The following ATP4B variants were observed in gnomAD, a reference collection of about 807,000 sequenced individuals.
ATP4B encodes ATPase H+/K+ transporting subunit beta, also known as potassium-transporting ATPase subunit beta.
Under a neutral mutation model 35.3 loss-of-function variants are expected in ATP4B, and 27 were observed. The ratio of observed to expected loss-of-function variants is 0.76; its 90% CI spans 0.56 to 1.05. The LOEUF (loss-of-function observed/expected upper bound fraction) is 1.05. Ranked by LOEUF, ATP4B falls within the 50% of genes least tolerant of loss-of-function variation. The pLI is 0.00. For synonymous variants in ATP4B, 162 were observed against 156.0 expected, an observed-to-expected ratio of 1.04 and a Z score of -0.29; for missense variants, 375 against 384.8, an observed-to-expected ratio of 0.97 and a Z score of 0.21.
intron 5 of ATP4B, among the ~76,000 whole-genome samples, chr13:113,651,373 G>A (rs1229100689): frequency 1.3e-5 from 2 of 152,246 alleles, no homozygotes; most frequent in South Asian, 2.1e-4. Flanking sequence ...CAGAACTGGT[G>A]GAAGGTGCAC....
Position 113,649,921 on chromosome 13 carries a change from G to C in ATP4B, c.715-386C>G, listed in dbSNP as rs1440310010. ...CTCATGCCTGTAATCCTAGCACTTT[G>C]GGAGCCTGAGGCAGGCTGATTGCTT... On this transcript the variant is annotated intron_variant, in intron 6 of 6. Coordinates refer to ENST00000335288, the MANE Select transcript of ATP4B (RefSeq NM_000705.4). The surrounding 1 kb of genome is among the most constrained non-coding windows in gnomAD (Gnocchi z 4.7). Among the ~76,000 whole-genome samples, 1 of 152,172 alleles carries C rather than the reference G, an allele frequency of 6.6e-6. No homozygotes were observed. The highest frequency in any genetic ancestry group is 2.4e-5 in the African/African-American group (1 of 41,444).
intron 5 of ATP4B, among the ~76,000 whole-genome samples, chr13:113,651,191 A>G (rs1479113394): frequency 6.6e-6 from 1 of 152,222 alleles, no homozygotes; most frequent in African/African-American, 2.4e-5. Context: ...AAGACATTTA[A>G]TTTAAAAAAT....
chr13:113,650,127 C>T lies in ATP4B; in HGVS notation c.714+279G>A, dbSNP rs1313333741. On this transcript the variant is annotated intron_variant, in intron 6 of 6. Coordinates refer to ENST00000335288, the MANE Select transcript of ATP4B (RefSeq NM_000705.4). The surrounding 1 kb of genome is among the most constrained non-coding windows in gnomAD (Gnocchi z 5.0). ...GCAATGAGCTAAGATGCTAAGATTG[C>T]ATTGCTGCAATCCACCCTGGGTGAC... is the stretch of plus-strand genomic sequence containing the variant. Among the ~76,000 whole-genome samples, 1 of 149,762 alleles carries T rather than the reference C, an allele frequency of 6.7e-6. No individual in the cohort carries two copies. Among genetic ancestry groups the T allele is most frequent in the East Asian group, 2.0e-4 (1 of 5,088 alleles).
intron 1 of ATP4B, among the ~76,000 whole-genome samples, chr13:113,657,020 G>A (rs992968171): frequency 2.0e-5 from 3 of 152,196 alleles, no homozygotes; most frequent in Non-Finnish European, 2.9e-5. Context: ...CTTCAAATGC[G>A]CCCATGACTC....
chr13:113,654,197 T>C (rs538194737), intron 2 of ATP4B, among the ~76,000 whole-genome samples: 10 of 152,376 alleles, frequency 6.6e-5, no homozygotes, highest in Admixed American at 5.2e-4. Flanking sequence ...TGTTGCTGTT[T>C]AGTGGATTTT....
chr13:113,654,727 G>A, intron 2 of ATP4B, 87 bp downstream of exon 2: 6 of 1,503,230 alleles, frequency 4.0e-6, no homozygotes, highest in Non-Finnish European at 5.3e-6. Flanking sequence ...TTCTGGGGAG[G>A]GCACGGGTCC....
At chr13:113,652,195 G>C (rs1367002735) in intron 4 of ATP4B, among the ~76,000 whole-genome samples, 1 of 152,198 alleles carries the variant, frequency 6.6e-6, no homozygotes, top group African/African-American at 2.4e-5. Flanking sequence ...GTGCTCCGAG[G>C]GTGGCAGCTG....
Position 113,651,741 on chromosome 13 carries a change from G to A in ATP4B, c.556-14C>T, listed in dbSNP as rs374169282. The stretch of plus-strand genomic sequence containing the variant: ...GAACTTGACGATCTAGAAGGGAAAA[G>A]CTTGAGCGTGGCCGCTCCCCACCCC... On this transcript the variant is annotated splice_polypyrimidine_tract_variant and intron_variant, in intron 4 of 6. Coordinates refer to ENST00000335288, the MANE Select transcript of ATP4B (RefSeq NM_000705.4). The A allele has an allele frequency of 6.2e-7, 1 of 1,613,070 alleles. No homozygotes were observed. The highest frequency in any genetic ancestry group is 8.5e-7 in the Non-Finnish European group (1 of 1,179,568).
rs371696712 is a variant in ATP4B, at chr13:113,658,090, G to T, written c.55C>A (p.Arg19Ser). Residue 19 changes from arginine to serine, a missense_variant, in exon 1 of 7, where the codon CGT becomes AGT. Coordinates refer to ENST00000335288, the MANE Select transcript of ATP4B (RefSeq NM_000705.4). ...TCGQRMEEFQ[R>S]YCWNPDTGQM... is the part of the protein sequence containing the mutation. ...CCCGTGTCCGGGTTCCAGCAGTAAC[G>T]CTGGAACTCCTCCATGCGCTGGCCA... 2.7e-5 allele frequency: 44 copies of T among 1,612,266 alleles called. No homozygotes were observed. Among genetic ancestry groups the T allele is most frequent in the Middle Eastern group, 1.7e-4 (1 of 6,056 alleles).
Position 113,653,303 on chromosome 13 carries a change from T to TTCACACCTCACCCACCC in ATP4B, c.355+17_355+18insGGGTGGGTGAGGTGTGA. 3 of 1,537,270 alleles carry TTCACACCTCACCCACCC rather than the reference T, an allele frequency of 2.0e-6. No homozygotes were observed. The East Asian group carries it at 7.6e-5, about 39-fold the overall frequency. ...CCCACCCGCCGCTTCACACCTCACC[T>TTCACACCTCACCCACCC]GCCGTTTCACACCTCACCTGCTAGG... is the stretch of plus-strand genomic sequence containing the variant. On this transcript the variant is annotated intron_variant, in intron 3 of 6. Coordinates refer to ENST00000335288, the MANE Select transcript of ATP4B (RefSeq NM_000705.4).
Position 113,652,874 on chromosome 13 carries a change from C to G in ATP4B, c.554G>C (p.Arg185Thr), listed in dbSNP as rs763666844. 3 of 1,614,136 alleles carry G rather than the reference C, an allele frequency of 1.9e-6. No homozygotes were observed. The highest frequency in any genetic ancestry group is 2.5e-6 in the Non-Finnish European group (3 of 1,179,994). Residue 185 changes from arginine (R) to threonine (T), a missense_variant and splice_region_variant, in exon 4 of 7, where the codon AGG becomes ACG. Arg to Thr is a moderately conservative substitution (Grantham distance 71). Transcript: ENST00000335288. ...GKPCFIIKMN[R>T]IVKFLPSNGS... ...GTGAAGGAGACCCTCAGTACTCACC[C>G]TGTTCATTTTAATAATAAAACATGG...
chr13:113,649,239 G>A lies in ATP4B; in HGVS notation c.*135C>T, dbSNP rs1195764773. 9.4e-6 allele frequency: 10 copies of A among 1,066,772 alleles called. No homozygotes were observed. The highest frequency in any genetic ancestry group is 5.9e-5 in the East Asian group (2 of 34,102). 66.1% of individuals were successfully genotyped at this position (1,066,772 alleles called of 1,614,324 possible). A position where few individuals can be genotyped will look rare whatever the true frequency, so the allele number is the denominator to read the frequency against. ...AGATGTGGGCGCTTCTCTGGAGTTC[G>A]CACACTGACAACACCGTTGCTCCAA... On this transcript the variant is annotated 3_prime_UTR_variant, in exon 7 of 7. Transcript: ENST00000335288. The surrounding 1 kb of genome is among the most constrained non-coding windows in gnomAD (Gnocchi z 4.7).
intron 4 of ATP4B, chr13:113,652,563 T>C (rs2049720426): frequency 2.3e-6 from 1 of 444,104 alleles, no homozygotes; most frequent in Non-Finnish European, 4.2e-6. Context: ...TTGAGGCCCC[T>C]TTACCTGGCC....
rs576208801 is a variant in ATP4B at position 113,650,220 on chromosome 13, A to G, written c.714+186T>C. On this transcript the variant is annotated intron_variant, in intron 6 of 6. Transcript: ENST00000335288. The surrounding 1 kb of genome is among the most constrained non-coding windows in gnomAD (Gnocchi z 5.0). ...TAGAGTTGTATTTTCATGTTGCGTG[A>G]GAGGAATGTTTCCAGGTAGATACAA... Among the ~76,000 whole-genome samples, 2 of 151,882 alleles carry G rather than the reference A, an allele frequency of 1.3e-5. No homozygotes were observed. Among genetic ancestry groups the G allele is most frequent in the African/African-American group, 2.4e-5 (1 of 41,416 alleles).
chr13:113,650,359 A>G lies in ATP4B; in HGVS notation c.714+47T>C. On this transcript the variant is annotated intron_variant, in intron 6 of 6. Coordinates refer to ENST00000335288, the MANE Select transcript of ATP4B (RefSeq NM_000705.4). This position sits in a 1 kb window ranked among gnomAD's most constrained non-coding sequence, Gnocchi z 5.0. ...TTGCTTTCCTTTCGCTAAGTGTGAG[A>G]GGACTCAGCAGCTGTGGTGAGGGAA... The G allele has an allele frequency of 1.3e-6, 2 of 1,546,546 alleles. No homozygotes were observed. Among genetic ancestry groups the G allele is most frequent in the Non-Finnish European group, 1.8e-6 (2 of 1,119,402 alleles).
At position 113,649,682 on chromosome 13, in the gene ATP4B, G is replaced by A. The variant is rs2049697110; in HGVS notation, c.715-147C>T. On this transcript the variant is annotated intron_variant, in intron 6 of 6. Coordinates refer to ENST00000335288, the MANE Select transcript of ATP4B (RefSeq NM_000705.4). The surrounding 1 kb of genome is among the most constrained non-coding windows in gnomAD (Gnocchi z 4.7). ...TGGCCCTGACCGAGTGCATGCCCTGGAATTTGCTGAGATAACACCCCCCAT... is the reference window on the plus strand; with the variant it reads ...TGGCCCTGACCGAGTGCATGCCCTGAAATTTGCTGAGATAACACCCCCCAT... 1 of 911,136 alleles carries A rather than the reference G, an allele frequency of 1.1e-6. No individual in the cohort carries two copies. The highest frequency in any genetic ancestry group is 1.5e-6 in the Non-Finnish European group (1 of 650,108). 56.4% of individuals were successfully genotyped at this position (911,136 alleles called of 1,614,324 possible).
chr13:113,653,416 T>A lies in ATP4B; in HGVS notation c.260A>T (p.Asp87Val), dbSNP rs1158492878. 1 of 1,614,114 alleles carries A rather than the reference T, an allele frequency of 6.2e-7. No individual in the cohort carries two copies. Among genetic ancestry groups the A allele is most frequent in the East Asian group, 2.2e-5 (1 of 44,896 alleles). The change falls in exon 3 of 7, where the codon GAT (aspartate) becomes GTT (valine). Residue 87 changes from aspartate (D) to valine (V), a missense_variant. Asp to Val is a radical substitution (Grantham distance 152). Coordinates refer to ENST00000335288, the MANE Select transcript of ATP4B (RefSeq NM_000705.4). ...LRSPGVTLRP[D>V]VYGEKGLEIV... Reference sequence around the variant, plus strand: ...TTCCAGGCCTTTCTCCCCGTAAACATCCGGCCTTAAGGTTACCCCTGGAGA... The same window carrying A: ...TTCCAGGCCTTTCTCCCCGTAAACAACCGGCCTTAAGGTTACCCCTGGAGA...
At chr13:113,651,837 G>T in intron 4 of ATP4B, 110 bp from the exon 5 acceptor site, 1 of 1,320,920 alleles carries the variant, frequency 7.6e-7, no homozygotes, top group Non-Finnish European at 1.0e-6. Flanking sequence ...TGGGCTTTCT[G>T]ACCAGGACTG....
chr13:113,652,177 C>T (rs1223562908), intron 4 of ATP4B, among the ~76,000 whole-genome samples: 1 of 152,236 alleles, frequency 6.6e-6, no homozygotes, highest in Non-Finnish European at 1.5e-5. Flanking sequence ...CCCCAGCCAT[C>T]CCCTGCTGTG....
Sources: gnomAD v4.1 joint callset for allele counts (sites outside exome capture counted in the v4.1 genomes callset) on GRCh38, gnomAD v4.1.1 for gene constraint, Gnocchi (gnomAD v3.1) non-coding constraint, MANE v1.5 for transcripts, NCBI Gene and HGNC (gene_info 2026-07-23, HGNC 2026-07-21) for gene names.